DAZL: variants seen among roughly 807,000 people sequenced by gnomAD.
The protein encoded by DAZL is deleted in azoospermia like.
Under a neutral mutation model 45.0 loss-of-function variants are expected in DAZL, and 4 were observed. The ratio of observed to expected loss-of-function variants is 0.09; its 90% CI spans 0.04 to 0.20. The LOEUF (loss-of-function observed/expected upper bound fraction) is 0.20, where lower values mean the gene tolerates loss of function less well. DAZL is among the 10% of genes least tolerant of loss of function. DAZL has a pLI of 1.00. For synonymous variants in DAZL, 122 were observed against 112.4 expected (o/e 1.09, Z -0.54); for missense variants, 326 against 351.3 (o/e 0.93, Z 0.58).
intron 4 of DAZL, 102 bp downstream of exon 4, chr3:16,597,388 A>G: frequency 2.3e-6 from 2 of 887,372 alleles, no homozygotes; most frequent in Admixed American, 1.9e-5. Context: ...TTTTGACCAG[A>G]AAGTGTATCG....
intron 6 of DAZL, among the ~76,000 whole-genome samples, chr3:16,595,760 A>G (rs1381086595): frequency 1.3e-5 from 2 of 152,094 alleles, no homozygotes. Flanking sequence ...AAATACTTCT[A>G]GACAGTTTTG....
At position 16,605,217 on chromosome 3, in the gene DAZL, G is replaced by A. The variant is rs1331050563; in HGVS notation, c.-12C>T. ...CCTCAACTCACCATGATGGCGGCAG[G>A]CAGCAGTTCCCGACCGGCTCCAGGA... On this transcript the variant is annotated 5_prime_UTR_variant, in exon 1 of 11. Coordinates refer to ENST00000399444, the MANE Select transcript of DAZL (RefSeq NM_001351.4). 1.2e-6 allele frequency: 2 copies of A among 1,614,202 alleles called. No individual in the cohort carries two copies. The highest frequency in any genetic ancestry group is 1.7e-6 in the Non-Finnish European group (2 of 1,179,998).
intron 10 of DAZL, among the ~76,000 whole-genome samples, chr3:16,590,065 C>T (rs1190178018): frequency 1.3e-5 from 2 of 151,980 alleles, no homozygotes; most frequent in East Asian, 3.9e-4. Flanking sequence ...TAAATGAGGT[C>T]ACCTCAAAAA....
chr3:16,597,114 T>G, intron 4 of DAZL, 63 bp from the exon 5 acceptor site: 1 of 1,498,474 alleles, frequency 6.7e-7, no homozygotes, highest in South Asian at 1.1e-5. Flanking sequence ...AAGACTTGGA[T>G]GAACACCTAA....
chr3:16,604,906 G>T, intron 1 of DAZL: 1 of 689,024 alleles, frequency 1.5e-6, no homozygotes, highest in Non-Finnish European at 2.4e-6. Flanking sequence ...CCCGAACCGG[G>T]AAATGGGTGC....
At chr3:16,600,531 T>C (rs1694674792) in intron 1 of DAZL, among the ~76,000 whole-genome samples, 2 of 152,252 alleles carry the variant, frequency 1.3e-5, no homozygotes, top group Admixed American at 6.5e-5. Context: ...TGTCTTACGT[T>C]GTTTTTCTAA....
At chr3:16,601,254 A>T (rs575172888) in intron 1 of DAZL, among the ~76,000 whole-genome samples, 2 of 152,126 alleles carry the variant, frequency 1.3e-5, no homozygotes, top group South Asian at 4.2e-4. Context: ...CTTGGCGACA[A>T]CAGTAGTTTG....
At chr3:16,599,195 C>A (rs200600836) in intron 1 of DAZL, among the ~76,000 whole-genome samples, 1 of 140,996 alleles carries the variant, frequency 7.1e-6, no homozygotes, top group Non-Finnish European at 1.6e-5. Flanking sequence ...AAAAAAAAAA[C>A]AAACCCAAAA....
chr3:16,599,312 T>A (rs1020028961), intron 1 of DAZL, among the ~76,000 whole-genome samples: 2 of 152,126 alleles, frequency 1.3e-5, no homozygotes, highest in African/African-American at 4.8e-5. Flanking sequence ...TGACAAATAT[T>A]AAAAAACTCC....
chr3:16,594,464 GAA>G, intron 8 of DAZL, 67 bp downstream of exon 8: 1 of 1,167,210 alleles, frequency 8.6e-7, no homozygotes, highest in South Asian at 1.5e-5. Flanking sequence ...AAACAATCAA[GAA>G]ATATAGTTAA....
At chr3:16,604,288 C>G (rs1409074058) in intron 1 of DAZL, among the ~76,000 whole-genome samples, 1 of 152,126 alleles carries the variant, frequency 6.6e-6, no homozygotes, top group Non-Finnish European at 1.5e-5. Context: ...GCTGAAGCAA[C>G]GCTAGGCATT....
In DAZL at chr3:16,596,617, T is replaced by C. The variant is rs1003824626; in HGVS notation, c.498+133A>G. 3.6e-5 allele frequency: 35 copies of C among 963,956 alleles called. No homozygotes were observed. In the East Asian group the frequency reaches 5.7e-4, roughly 16 times the overall value. 59.7% of individuals were successfully genotyped at this position (963,956 alleles called of 1,614,324 possible). A position where few individuals can be genotyped will look rare whatever the true frequency, so the allele number is the denominator to read the frequency against. On this transcript the variant is annotated intron_variant, in intron 6 of 10. Coordinates refer to ENST00000399444, the MANE Select transcript of DAZL (RefSeq NM_001351.4). ...AAGAATAAGAAATTTCTAACAAAAG[T>C]AATAAATTTCCCATCACTCAAAGTA...
At chr3:16,600,830 C>G (rs772188649) in intron 1 of DAZL, among the ~76,000 whole-genome samples, 4 of 152,172 alleles carry the variant, frequency 2.6e-5, no homozygotes, top group Non-Finnish European at 5.9e-5. Context: ...TGGCAGAAAA[C>G]TGTGTCAGAT....
intron 1 of DAZL, among the ~76,000 whole-genome samples, chr3:16,601,006 G>A (rs974348747): frequency 2.0e-5 from 3 of 152,162 alleles, no homozygotes; most frequent in Non-Finnish European, 2.9e-5. Context: ...TGCAAAGAAA[G>A]CTTCCTACAA....
chr3:16,598,266 T>C (rs1694631069), intron 2 of DAZL, 88 bp from the exon 3 acceptor site: 4 of 1,422,208 alleles, frequency 2.8e-6, no homozygotes, highest in South Asian at 1.2e-5. Flanking sequence ...ATGTGACAAT[T>C]TCTCCCCCAT....
In DAZL at chr3:16,588,637, T is replaced by A. The variant is rs372263155; in HGVS notation, c.*23A>T. 6.3e-7 allele frequency: 1 copy of A among 1,589,844 alleles called. No individual in the cohort carries two copies. Among genetic ancestry groups the A allele is most frequent in the South Asian group, 1.1e-5 (1 of 90,588 alleles). On this transcript the variant is annotated 3_prime_UTR_variant, in exon 11 of 11. Coordinates refer to ENST00000399444, the MANE Select transcript of DAZL (RefSeq NM_001351.4). Reference sequence around the variant, plus strand: ...AATATTCAAAACCAGCAACTTCCCATGTAACTAGATAAGCCAGGAGGATCA... The same window carrying A: ...AATATTCAAAACCAGCAACTTCCCAAGTAACTAGATAAGCCAGGAGGATCA...
intron 6 of DAZL, among the ~76,000 whole-genome samples, chr3:16,595,631 A>C (rs1694588185): frequency 6.6e-6 from 1 of 152,040 alleles, no homozygotes; most frequent in Non-Finnish European, 1.5e-5. Context: ...GGCAAAGTTT[A>C]TCATATTTAT....
Position 16,605,293 on chromosome 3 carries a change from G to A in DAZL, c.-88C>T, listed in dbSNP as rs116172431. The A allele has an allele frequency of 0.039, 59,109 of 1,497,314 alleles. 1,394 individuals are homozygous for A. The highest frequency in any genetic ancestry group is 0.071 in the South Asian group (6,258 of 88,684). The allele number at this position is 1,497,314 out of a possible 1,614,324, so 92.8% of individuals were successfully genotyped here. On this transcript the variant is annotated 5_prime_UTR_variant, in exon 1 of 11. Transcript: ENST00000399444. ...CACTTCTGGGGCTGCTGTGAGGTCCGCTGGAACCCGCTGCGCGGCTTCGAG... is the reference window on the plus strand; with the variant it reads ...CACTTCTGGGGCTGCTGTGAGGTCCACTGGAACCCGCTGCGCGGCTTCGAG...
chr3:16,604,758 A>C, intron 1 of DAZL: 1 of 1,356,196 alleles, frequency 7.4e-7, no homozygotes, highest in Non-Finnish European at 9.4e-7. Context: ...GCGCGCCAGA[A>C]ATGAGGCTGG....
Sources: gnomAD v4.1 joint callset for allele counts (sites outside exome capture counted in the v4.1 genomes callset) on GRCh38, gnomAD v4.1.1 for gene constraint, MANE v1.5 for transcripts, NCBI Gene and HGNC (gene_info 2026-07-23, HGNC 2026-07-21) for gene names.